Variants in ARB2A observed in about 807,000 individuals in gnomAD.
ARB2A encodes the protein ARB2 cotranscriptional regulator A.
the ARB2A span, among the ~76,000 whole-genome samples, chr5:93,765,662 C>T: frequency 6.6e-6 from 1 of 151,770 alleles, no homozygotes; most frequent in Non-Finnish European, 1.5e-5. Context: ...ATCAAGCTAC[C>T]AATGACTAGA....
At chr5:93,758,433 T>C in the ARB2A span, among the ~76,000 whole-genome samples, 28,220 of 152,064 alleles carry the variant, frequency 0.19, 3,014 homozygotes, top group Middle Eastern at 0.28. Flanking sequence ...ATCCAACAAC[T>C]GCAGAATACA....
chr5:93,660,029 G>T, the ARB2A span, among the ~76,000 whole-genome samples: 1 of 144,332 alleles, frequency 6.9e-6, no homozygotes, highest in African/African-American at 2.5e-5. Context: ...ATAGAATAGA[G>T]TTTTTTTTTT....
the ARB2A span, among the ~76,000 whole-genome samples, chr5:94,018,302 G>T: frequency 6.6e-6 from 1 of 152,090 alleles, no homozygotes; most frequent in African/African-American, 2.4e-5. Context: ...TCTTACAAAT[G>T]CCTTTTTCTT....
the ARB2A span, among the ~76,000 whole-genome samples, chr5:94,056,147 C>T: frequency 2.2e-4 from 34 of 152,288 alleles, no homozygotes; most frequent in East Asian, 6.2e-3. Flanking sequence ...TCAAAAATCA[C>T]CATACTGATT....
chr5:93,853,250 T>A, the ARB2A span, among the ~76,000 whole-genome samples: 5 of 152,298 alleles, frequency 3.3e-5, no homozygotes, highest in Admixed American at 1.3e-4. Context: ...ATGATTTGGC[T>A]CTCTGTTTGT....
the ARB2A span, among the ~76,000 whole-genome samples, chr5:93,909,750 C>T: frequency 6.7e-6 from 1 of 150,272 alleles, no homozygotes; most frequent in Non-Finnish European, 1.5e-5. Context: ...TATGAAAGCC[C>T]CCCTACTTAA....
chr5:93,849,577 C>A, the ARB2A span, among the ~76,000 whole-genome samples: 5 of 152,074 alleles, frequency 3.3e-5, no homozygotes, highest in East Asian at 9.7e-4. Flanking sequence ...AAATAATTTT[C>A]TTTATAAATC....
At chr5:93,780,132 G>T in the ARB2A span, among the ~76,000 whole-genome samples, 1 of 152,086 alleles carries the variant, frequency 6.6e-6, no homozygotes, top group African/African-American at 2.4e-5. Context: ...GTTGTAAATC[G>T]CCATTGCTTT....
the ARB2A span, among the ~76,000 whole-genome samples, chr5:93,810,880 TA>T: frequency 6.6e-6 from 1 of 152,088 alleles, no homozygotes; most frequent in Admixed American, 6.6e-5. Context: ...AGTTACTTAA[TA>T]TTTCTGTGGG....
chr5:94,109,989 A>G, the ARB2A span, among the ~76,000 whole-genome samples: 1 of 148,732 alleles, frequency 6.7e-6, no homozygotes, highest in Non-Finnish European at 1.5e-5. Context: ...GGTTCAAGCA[A>G]TTCTCCTGCC....
the ARB2A span, among the ~76,000 whole-genome samples, chr5:94,047,290 G>A: frequency 7.2e-5 from 11 of 152,116 alleles, no homozygotes; most frequent in Admixed American, 3.3e-4. Context: ...TCAGGAGTTC[G>A]AGACCAGCCT....
At chr5:93,942,113 A>G in the ARB2A span, among the ~76,000 whole-genome samples, 1 of 152,186 alleles carries the variant, frequency 6.6e-6, no homozygotes, top group Non-Finnish European at 1.5e-5. Flanking sequence ...GTAATGATAT[A>G]TCTGCCATGA....
chr5:93,865,564 A>G, the ARB2A span: 1 of 985,412 alleles, frequency 1.0e-6, no homozygotes, highest in African/African-American at 1.7e-5. Flanking sequence ...GTACTAAAAG[A>G]AGTTTTAAAA....
the ARB2A span, among the ~76,000 whole-genome samples, chr5:93,756,268 A>C: frequency 6.6e-6 from 1 of 152,200 alleles, no homozygotes; most frequent in Non-Finnish European, 1.5e-5. Context: ...CCCTGCCCCC[A>C]TATGATGATC....
the ARB2A span, among the ~76,000 whole-genome samples, chr5:93,768,611 G>C: frequency 6.6e-6 from 1 of 151,630 alleles, no homozygotes; most frequent in Admixed American, 6.6e-5. Flanking sequence ...GTATTTAGTG[G>C]ATGGTGGAGA....
At chr5:93,631,803 G>A in the ARB2A span, among the ~76,000 whole-genome samples, 1 of 148,622 alleles carries the variant, frequency 6.7e-6, no homozygotes, top group African/African-American at 2.5e-5. Context: ...GGGATAGGGA[G>A]AGGGGGAGAG....
the ARB2A span, among the ~76,000 whole-genome samples, chr5:93,833,536 T>TA: frequency 6.6e-6 from 1 of 152,242 alleles, no homozygotes; most frequent in Non-Finnish European, 1.5e-5. Context: ...GCTTATCTGA[T>TA]ATGTAGTGTA....
the ARB2A span, among the ~76,000 whole-genome samples, chr5:93,852,939 C>T: frequency 1.3e-5 from 2 of 152,084 alleles, no homozygotes; most frequent in Non-Finnish European, 2.9e-5. Flanking sequence ...GCGATGTGGG[C>T]TCTTTTTTTG....
At chr5:93,727,651 T>G in the ARB2A span, among the ~76,000 whole-genome samples, 1 of 151,930 alleles carries the variant, frequency 6.6e-6, no homozygotes, top group Non-Finnish European at 1.5e-5. Context: ...TAAACATGAG[T>G]CCACTACCTT....
Sources: allele counts gnomAD v4.1 joint callset (sites outside exome capture counted in the v4.1 genomes callset), GRCh38; gene constraint gnomAD v4.1.1; transcripts MANE v1.5; gene names NCBI Gene and HGNC (gene_info 2026-07-23, HGNC 2026-07-21).